FAR2: variants seen among roughly 807,000 people sequenced by gnomAD.
The protein encoded by FAR2 is epididymis secretory protein Li 81.
FAR2 carries 19 observed loss-of-function variants against 56.0 expected under a neutral mutation model. The ratio of observed to expected loss-of-function variants is 0.34; its 90% confidence interval spans 0.24 to 0.50. The LOEUF is 0.50. FAR2 is among the 20% of genes least tolerant of loss of function. The pLI, the probability that FAR2 is intolerant of heterozygous loss-of-function variation, is 0.98. For missense variants in FAR2, 508 were observed against 642.2 expected (o/e 0.79, Z 2.26); for synonymous variants, 219 against 218.8 (o/e 1.00, Z -0.01).
chr12:29,150,789 T>C (rs1949676157), intron 1 of FAR2, among the ~76,000 whole-genome samples: 2 of 152,226 alleles, frequency 1.3e-5, no homozygotes, highest in African/African-American at 4.8e-5. Flanking sequence ...TTCTGAGGGC[T>C]GCTTCTGCCC....
chr12:29,208,247 A>C (rs1217946328), intron 1 of FAR2, among the ~76,000 whole-genome samples: 1 of 152,170 alleles, frequency 6.6e-6, no homozygotes, highest in Admixed American at 6.5e-5. Flanking sequence ...CTCTGAACTG[A>C]AGTTTAAAGA....
At chr12:29,150,715 G>A (rs748754788) in intron 1 of FAR2, among the ~76,000 whole-genome samples, 13 of 152,182 alleles carry the variant, frequency 8.5e-5, no homozygotes, top group Non-Finnish European at 1.3e-4. Flanking sequence ...AGGCCGACGC[G>A]TGTGTCAATA....
At chr12:29,151,476 A>G (rs1432180005) in intron 1 of FAR2, 2 of 152,078 alleles carry the variant, frequency 1.3e-5, no homozygotes, top group Non-Finnish European at 2.9e-5. Flanking sequence ...TCATGGAAAT[A>G]CAAAACTGCA....
intron 1 of FAR2, among the ~76,000 whole-genome samples, chr12:29,215,365 T>C (rs1294553887): frequency 6.6e-6 from 1 of 152,182 alleles, no homozygotes; most frequent in Non-Finnish European, 1.5e-5. Context: ...GTAGAAATGT[T>C]TGTAAGAAGA....
intron 1 of FAR2, among the ~76,000 whole-genome samples, chr12:29,192,918 A>G (rs1369220053): frequency 5.9e-5 from 9 of 152,220 alleles, no homozygotes; most frequent in Admixed American, 5.9e-4. Flanking sequence ...TTTTGTATTT[A>G]TATACAAATG....
chr12:29,217,829 A>G (rs1487778143), intron 1 of FAR2, among the ~76,000 whole-genome samples: 6 of 152,208 alleles, frequency 3.9e-5, no homozygotes, highest in African/African-American at 1.4e-4. Flanking sequence ...GTCAATAGAA[A>G]TAGCACATAG....
In FAR2 at chr12:29,181,758, T is replaced by C. The variant is rs1402914714; in HGVS notation, c.-39+32351T>C. Among the ~76,000 whole-genome samples, 6 of 152,378 alleles carry C rather than the reference T, an allele frequency of 3.9e-5. No individual in the cohort carries two copies. In the South Asian group the frequency reaches 8.3e-4, roughly 21 times the overall value. On this transcript the variant is annotated intron_variant, in intron 1 of 11. Transcript: ENST00000536681. ...ATTCACACCCTAATTATTTTTTCTG[T>C]GCTTTAATCTCAACATTTCCCCCAA... is the stretch of plus-strand genomic sequence containing the variant.
intron 1 of FAR2, chr12:29,171,652 A>G (rs893309947): frequency 1.4e-5 from 2 of 142,720 alleles, no homozygotes; most frequent in African/African-American, 5.3e-5. Flanking sequence ...CTGGCCGCCA[A>G]CCATGTGGGA....
chr12:29,239,576 C>T (rs576028487), intron 1 of FAR2, among the ~76,000 whole-genome samples: 1 of 151,748 alleles, frequency 6.6e-6, no homozygotes, highest in Non-Finnish European at 1.5e-5. Context: ...AAAAGACTAC[C>T]CACGTGGGAA....
chr12:29,248,308 C>T (rs1306811663), intron 1 of FAR2, among the ~76,000 whole-genome samples: 1 of 152,106 alleles, frequency 6.6e-6, no homozygotes, highest in Non-Finnish European at 1.5e-5. Context: ...TAAGCATCGG[C>T]CAGCTTGAGA....
intron 1 of FAR2, among the ~76,000 whole-genome samples, chr12:29,199,999 G>A (rs1056834012): frequency 2.0e-5 from 3 of 152,090 alleles, no homozygotes; most frequent in Non-Finnish European, 4.4e-5. Context: ...AGAGAAGTAT[G>A]GGCTATGATA....
chr12:29,205,795 C>A (rs1334927852), intron 1 of FAR2, among the ~76,000 whole-genome samples: 1 of 151,714 alleles, frequency 6.6e-6, no homozygotes. Flanking sequence ...AAGGAGGCTG[C>A]AGATGTTTAA....
intron 8 of FAR2, 61 bp downstream of exon 8, chr12:29,312,011 C>G: frequency 8.1e-7 from 1 of 1,234,824 alleles, no homozygotes; most frequent in Non-Finnish European, 1.2e-6. Flanking sequence ...AAAAAGTTGA[C>G]AAAGTGTGTC....
At chr12:29,303,407 C>A (rs1484193456) in intron 4 of FAR2, among the ~76,000 whole-genome samples, 2 of 152,172 alleles carry the variant, frequency 1.3e-5, no homozygotes, top group Non-Finnish European at 2.9e-5. Context: ...CTCCTTGCCT[C>A]CTGTTGTCTT....
At chr12:29,198,652 C>CA (rs1947365417) in intron 1 of FAR2, among the ~76,000 whole-genome samples, 1 of 151,894 alleles carries the variant, frequency 6.6e-6, no homozygotes, top group Non-Finnish European at 1.5e-5. Flanking sequence ...TCCTTTTGAA[C>CA]ATTTTTTTAA....
rs557730186 is a variant in FAR2, at chr12:29,262,630, T to C, written c.-38-7782T>C. On this transcript the variant is annotated intron_variant, in intron 1 of 11. Coordinates refer to ENST00000536681, the MANE Select transcript of FAR2 (RefSeq NM_001271783.2). Reference sequence around the variant, plus strand: ...GGGCAACAAGAGCAAAATTCCATCTTCAAAAAATAAGTAAGTAAATAAATA... The same window carrying C: ...GGGCAACAAGAGCAAAATTCCATCTCCAAAAAATAAGTAAGTAAATAAATA... 2.7e-3 allele frequency among the ~76,000 whole-genome samples: 405 copies of C among 151,290 alleles called. 3 individuals are homozygous for C. The highest frequency in any genetic ancestry group is 9.3e-3 in the African/African-American group (385 of 41,326).
intron 1 of FAR2, among the ~76,000 whole-genome samples, chr12:29,220,148 A>G (rs1198343601): frequency 6.6e-6 from 1 of 152,180 alleles, no homozygotes; most frequent in Non-Finnish European, 1.5e-5. Context: ...TTTGACGTTC[A>G]AGGTGAATTT....
intron 1 of FAR2, among the ~76,000 whole-genome samples, chr12:29,184,699 G>A (rs1208153953): frequency 3.3e-5 from 5 of 151,940 alleles, no homozygotes; most frequent in African/African-American, 9.7e-5. Flanking sequence ...AGCCTCCTAA[G>A]GTACTGGGAT....
intron 3 of FAR2, among the ~76,000 whole-genome samples, chr12:29,293,744 C>T (rs1366359815): frequency 1.3e-5 from 2 of 152,018 alleles, no homozygotes; most frequent in Non-Finnish European, 2.9e-5. Context: ...TGTTTTGCAA[C>T]CTGCTCAATT....
Sources: allele counts gnomAD v4.1 joint callset (sites outside exome capture counted in the v4.1 genomes callset), GRCh38; gene constraint gnomAD v4.1.1; transcripts MANE v1.5; gene names NCBI Gene and HGNC (gene_info 2026-07-23, HGNC 2026-07-21).